Variants in VPS33B observed in about 807,000 individuals in gnomAD.
VPS33B encodes the protein VPS33B late endosome and lysosome associated, also known as vacuolar protein sorting-associated protein 33B.
VPS33B carries 80 observed loss-of-function variants against 95.3 expected under a neutral mutation model. The observed-to-expected ratio is 0.84, with a 90% confidence interval of 0.70 to 1.01. The LOEUF (loss-of-function observed/expected upper bound fraction) is 1.01. Ranked by LOEUF, VPS33B falls within the 50% of genes least tolerant of loss-of-function variation. VPS33B has a pLI of 0.00. For synonymous variants in VPS33B, 280 were observed against 280.4 expected (o/e 1.00, Z 0.01); for missense variants, 715 against 773.4 (o/e 0.92, Z 0.90).
rs538468143 is a variant in VPS33B at position 91,013,058 on chromosome 15, G to T, written c.357+746C>A. Among the ~76,000 whole-genome samples, 2 of 152,252 alleles carry T rather than the reference G, an allele frequency of 1.3e-5. No homozygotes were observed. Among genetic ancestry groups the T allele is most frequent in the Admixed American group, 1.3e-4 (2 of 15,294 alleles). On this transcript the variant is annotated intron_variant, in intron 5 of 22. Coordinates refer to ENST00000333371, the MANE Select transcript of VPS33B (RefSeq NM_018668.5). This position sits in a 1 kb window ranked among gnomAD's most constrained non-coding sequence, Gnocchi z 4.5. ...GGAAGAGGGAGGGTGATGATTTATC[G>T]TATTTATTCTTAAAGGGATACAGGG...
In VPS33B at chr15:91,018,048, C is replaced by T; in HGVS notation, c.97-163G>A. On this transcript the variant is annotated intron_variant, in intron 1 of 22. Coordinates refer to ENST00000333371, the MANE Select transcript of VPS33B (RefSeq NM_018668.5). The surrounding 1 kb of genome is among the most constrained non-coding windows in gnomAD (Gnocchi z 4.7). ...TTATTATCTGTATCCACAGTTGACA[C>T]TTCTCTGTATATTTACCTATTTTGC... 1.4e-6 allele frequency: 1 copy of T among 696,854 alleles called. No homozygotes were observed. The highest frequency in any genetic ancestry group is 2.1e-5 in the Admixed American group (1 of 47,596). The allele number at this position is 696,854 out of a possible 1,614,324, so 43.2% of individuals were successfully genotyped here.
rs935437385 is a variant in VPS33B, at chr15:91,000,057, C to T, written c.1582-82G>A. 35 of 1,546,532 alleles carry T rather than the reference C, an allele frequency of 2.3e-5. No individual in the cohort carries two copies. In the African/African-American group the frequency reaches 4.2e-4, roughly 19 times the overall value. ...GAAGGGCACAGCAGCCAGACTGTCA[C>T]ATTTCTTGCTCATTACTCAAGTAGC... On this transcript the variant is annotated intron_variant, in intron 20 of 22. Coordinates refer to ENST00000333371, the MANE Select transcript of VPS33B (RefSeq NM_018668.5). The surrounding 1 kb of genome is among the most constrained non-coding windows in gnomAD (Gnocchi z 4.9).
chr15:91,007,148 C>G lies in VPS33B; in HGVS notation c.604-102G>C. 1.6e-6 allele frequency: 2 copies of G among 1,271,200 alleles called. No individual in the cohort carries two copies. Among genetic ancestry groups the G allele is most frequent in the Non-Finnish European group, 2.3e-6 (2 of 883,452 alleles). 78.7% of individuals were successfully genotyped at this position (1,271,200 alleles called of 1,614,324 possible). A position where few individuals can be genotyped will look rare whatever the true frequency, so the allele number is the denominator to read the frequency against. ...TCCACGTGATACTTCCTCTTGTCCCCGAGACAGGAGCTAATTATTCACAAT... is the reference window on the plus strand; with the variant it reads ...TCCACGTGATACTTCCTCTTGTCCCGGAGACAGGAGCTAATTATTCACAAT... On this transcript the variant is annotated intron_variant, in intron 8 of 22. Transcript: ENST00000333371. The surrounding 1 kb of genome is among the most constrained non-coding windows in gnomAD (Gnocchi z 5.3).
In VPS33B at chr15:91,018,908, C is replaced by T. The variant is rs1009567852; in HGVS notation, c.97-1023G>A. On this transcript the variant is annotated intron_variant, in intron 1 of 22. Coordinates refer to ENST00000333371, the MANE Select transcript of VPS33B (RefSeq NM_018668.5). This position sits in a 1 kb window ranked among gnomAD's most constrained non-coding sequence, Gnocchi z 4.7. The stretch of plus-strand genomic sequence containing the variant: ...TCGGCTCACTGCAACCTCCGCCTCC[C>T]GGATTCAAGCAATTCTCTGCCTCAG... Among the ~76,000 whole-genome samples the T allele has an allele frequency of 4.6e-5, 7 of 151,958 alleles. No individual in the cohort carries two copies. Among genetic ancestry groups the T allele is most frequent in the South Asian group, 2.1e-4 (1 of 4,822 alleles).
intron 6 of VPS33B, among the ~76,000 whole-genome samples, chr15:91,008,334 G>A (rs1378742404): frequency 2.6e-5 from 4 of 152,108 alleles, no homozygotes; most frequent in Non-Finnish European, 4.4e-5. Flanking sequence ...GTGCAGTCTC[G>A]GCTCACTGCA....
At chr15:91,016,375 CTTT>C (rs796637381) in intron 3 of VPS33B, among the ~76,000 whole-genome samples, 4 of 96,012 alleles carry the variant, frequency 4.2e-5, no homozygotes, top group African/African-American at 8.5e-5. Context: ...GCAGATTCTT[CTTT>C]TTTTTTTTTT....
chr15:91,008,685 T>G (rs1295087753), intron 6 of VPS33B, among the ~76,000 whole-genome samples: 7 of 152,194 alleles, frequency 4.6e-5, no homozygotes, highest in Admixed American at 4.6e-4. Context: ...GCTTACAGTC[T>G]AGTGAGGGAG....
At position 91,010,366 on chromosome 15, in the gene VPS33B, C is replaced by T. The variant is rs113957434; in HGVS notation, c.358-520G>A. The stretch of plus-strand genomic sequence containing the variant: ...CTATAATCCCAGAACTTTGGAAGGC[C>T]GAGGCAGGTGAATCGCTTGAGCCCA... On this transcript the variant is annotated intron_variant, in intron 5 of 22. Coordinates refer to ENST00000333371, the MANE Select transcript of VPS33B (RefSeq NM_018668.5). The surrounding 1 kb of genome is among the most constrained non-coding windows in gnomAD (Gnocchi z 5.7). Among the ~76,000 whole-genome samples the T allele has an allele frequency of 5.4e-3, 825 of 152,266 alleles. 7 individuals are homozygous for T. The highest frequency in any genetic ancestry group is 0.019 in the African/African-American group (773 of 41,542).
rs769118116 is a variant in VPS33B, at chr15:90,999,754, C to G, written c.1697G>C (p.Arg566Pro). ...KEDKASSESL[R>P]LILVVFLGGC... The stretch of plus-strand genomic sequence containing the variant: ...ACCCAAGAACACCACCAAGATGAGG[C>G]GCAGGGACTCACTGGAAGCCTTGTC... Residue 566 changes from arginine to proline, a missense_variant, in exon 22 of 23, where the codon CGC (arginine) becomes CCC (proline). Coordinates refer to ENST00000333371, the MANE Select transcript of VPS33B (RefSeq NM_018668.5). This position sits in a 1 kb window ranked among gnomAD's most constrained non-coding sequence, Gnocchi z 5.1. 5 of 1,614,030 alleles carry G rather than the reference C, an allele frequency of 3.1e-6. No individual in the cohort carries two copies. In the African/African-American group the frequency reaches 5.3e-5, roughly 17 times the overall value.
Position 91,016,986 on chromosome 15 carries a change from C to A in VPS33B, c.216G>T (p.Lys72Asn). Residue 72 changes from lysine to asparagine, a missense_variant, in exon 3 of 23, where the codon AAG (lysine) becomes AAT (asparagine). Transcript: ENST00000333371. ...EVDKLYKVEN[K>N]PALSSNEQLC... ...ACTGTTCATTGGAGCTGAGGGCTGG[C>A]TTGTTCTCCACCTTGTATAGCTTGT... 1 of 1,614,024 alleles carries A rather than the reference C, an allele frequency of 6.2e-7. No homozygotes were observed. Among genetic ancestry groups the A allele is most frequent in the Non-Finnish European group, 8.5e-7 (1 of 1,179,988 alleles).
intron 17 of VPS33B, 62 bp downstream of exon 17, chr15:91,003,023 C>G: frequency 6.3e-7 from 1 of 1,588,934 alleles, no homozygotes; most frequent in Middle Eastern, 1.7e-4. Flanking sequence ...TTGCCTCTTT[C>G]AAAAATGCCC....
Position 91,017,016 on chromosome 15 carries a change from T to A in VPS33B, c.186A>T (p.Glu62Asp). 1 of 1,614,010 alleles carries A rather than the reference T, an allele frequency of 6.2e-7. No homozygotes were observed. The highest frequency in any genetic ancestry group is 8.5e-7 in the Non-Finnish European group (1 of 1,179,962). Reference protein sequence around the residue: ...IANVSILKQHEVDKLYKVENK... With the variant: ...IANVSILKQHDVDKLYKVENK... ...TCTCCACCTTGTATAGCTTGTCTAC[T>A]TCGTGTTGCTACAGAGAGAATCCAA... Residue 62 changes from glutamate to aspartate, a missense_variant, in exon 3 of 23, where the codon GAA becomes GAT. By Grantham distance (45) the Glu-to-Asp change is conservative. Coordinates refer to ENST00000333371, the MANE Select transcript of VPS33B (RefSeq NM_018668.5).
rs2041132760 is a variant in VPS33B, at chr15:91,022,424, GC to G, written c.-176del. The G allele has an allele frequency of 1.7e-6, 1 of 592,164 alleles. No individual in the cohort carries two copies. The highest frequency in any genetic ancestry group is 3.0e-6 in the Non-Finnish European group (1 of 338,870). 36.7% of individuals were successfully genotyped at this position (592,164 alleles called of 1,614,324 possible). On this transcript the variant is annotated 5_prime_UTR_variant, in exon 1 of 23. Transcript: ENST00000333371. ...TCCAGGAATGAATGGCCACCTCCAGGCAAGAGAGCTACTACCTCGGAGCAGC... is the reference window on the plus strand; with the variant it reads ...TCCAGGAATGAATGGCCACCTCCAGGAAGAGAGCTACTACCTCGGAGCAGC...
intron 17 of VPS33B, 72 bp downstream of exon 17, chr15:91,003,013 T>C (rs2040487482): frequency 1.3e-6 from 2 of 1,541,050 alleles, no homozygotes; most frequent in African/African-American, 2.7e-5. Context: ...GCCACTTCTC[T>C]TGCCTCTTTC....
Position 91,000,683 on chromosome 15 carries a change from T to A in VPS33B, c.1480-92A>T. On this transcript the variant is annotated intron_variant, in intron 19 of 22. Coordinates refer to ENST00000333371, the MANE Select transcript of VPS33B (RefSeq NM_018668.5). This position sits in a 1 kb window ranked among gnomAD's most constrained non-coding sequence, Gnocchi z 4.9. Reference sequence around the variant, plus strand: ...TAAAGTGGCATGGCCCAAGGAACAATTCTTATTTCAACTAAAGGGAGAACC... The same window carrying A: ...TAAAGTGGCATGGCCCAAGGAACAAATCTTATTTCAACTAAAGGGAGAACC... 8.9e-7 allele frequency: 1 copy of A among 1,117,716 alleles called. No individual in the cohort carries two copies. The highest frequency in any genetic ancestry group is 1.3e-6 in the Non-Finnish European group (1 of 758,718). The allele number at this position is 1,117,716 out of a possible 1,614,324, so 69.2% of individuals were successfully genotyped here.
At chr15:91,003,837 G>A (rs1012972249) in intron 16 of VPS33B, among the ~76,000 whole-genome samples, 5 of 152,150 alleles carry the variant, frequency 3.3e-5, no homozygotes, top group African/African-American at 4.8e-5. Flanking sequence ...CCAAAAGCAC[G>A]GTCTTATATG....
chr15:91,006,271 C>G lies in VPS33B; in HGVS notation c.852+101G>C, dbSNP rs988742350. ...CTCTCTCCCATAGACTCAGCCTCCC[C>G]TCTCAGAGCTGGGGCCCACAGCCTG... is the stretch of plus-strand genomic sequence containing the variant. On this transcript the variant is annotated intron_variant, in intron 11 of 22. Transcript: ENST00000333371. The surrounding 1 kb of genome is among the most constrained non-coding windows in gnomAD (Gnocchi z 5.4). The G allele has an allele frequency of 3.9e-6, 6 of 1,539,452 alleles. No individual in the cohort carries two copies. The highest frequency in any genetic ancestry group is 1.4e-5 in the African/African-American group (1 of 73,364).
In VPS33B at chr15:91,000,003, G is replaced by A; in HGVS notation, c.1582-28C>T. ...GGGAAGGTGTAAGCACTGTTTTTAA[G>A]GCTACAGACAGTATCAGGCTTAGGA... On this transcript the variant is annotated intron_variant, in intron 20 of 22. Coordinates refer to ENST00000333371, the MANE Select transcript of VPS33B (RefSeq NM_018668.5). The surrounding 1 kb of genome is among the most constrained non-coding windows in gnomAD (Gnocchi z 4.9). 3 of 1,613,650 alleles carry A rather than the reference G, an allele frequency of 1.9e-6. No homozygotes were observed. Among genetic ancestry groups the A allele is most frequent in the Non-Finnish European group, 2.5e-6 (3 of 1,179,764 alleles).
Position 91,006,184 on chromosome 15 carries a change from G to GT in VPS33B, c.853-126dup, listed in dbSNP as rs904196868. 7.4e-7 allele frequency: 1 copy of GT among 1,344,132 alleles called. No homozygotes were observed. The highest frequency in any genetic ancestry group is 1.2e-5 in the South Asian group (1 of 83,158). 83.3% of individuals were successfully genotyped at this position (1,344,132 alleles called of 1,614,324 possible). On this transcript the variant is annotated intron_variant, in intron 11 of 22. Coordinates refer to ENST00000333371, the MANE Select transcript of VPS33B (RefSeq NM_018668.5). This position sits in a 1 kb window ranked among gnomAD's most constrained non-coding sequence, Gnocchi z 5.4. ...TACAAAGAAAGCTGAGCTGGGATCT[G>GT]TAAGTCCATATCAAATGCCTACACC... is the stretch of plus-strand genomic sequence containing the variant.
Sources: gnomAD v4.1 joint callset for allele counts (sites outside exome capture counted in the v4.1 genomes callset) on GRCh38, gnomAD v4.1.1 for gene constraint, Gnocchi (gnomAD v3.1) non-coding constraint, MANE v1.5 for transcripts, NCBI Gene and HGNC (gene_info 2026-07-23, HGNC 2026-07-21) for gene names.